The following SMOC2 variants were observed in gnomAD, a reference collection of about 807,000 sequenced individuals.
SMOC2 encodes the protein SPARC related modular calcium binding 2.
In SMOC2, 39 loss-of-function variants were observed where a neutral mutation model predicts 61.4. The observed-to-expected ratio is 0.64, with a 90% CI of 0.49 to 0.83. SMOC2 has a LOEUF of 0.83. SMOC2 is among the 40% of genes least tolerant of loss of function. SMOC2 has a pLI of 0.00. For missense variants in SMOC2, 556 were observed against 592.9 expected (o/e 0.94, Z 0.65); for synonymous variants, 247 against 239.9 (o/e 1.03, Z -0.27).
At chr6:168,483,075 A>G (rs551939025) in intron 1 of SMOC2, among the ~76,000 whole-genome samples, 1 of 152,194 alleles carries the variant, frequency 6.6e-6, no homozygotes, top group Non-Finnish European at 1.5e-5. Context: ...AAGAAAAATA[A>G]ATACAAATTG....
At chr6:168,518,111 C>A (rs1447515023) in intron 2 of SMOC2, among the ~76,000 whole-genome samples, 1 of 152,246 alleles carries the variant, frequency 6.6e-6, no homozygotes, top group Non-Finnish European at 1.5e-5. Context: ...CCTCGGAATT[C>A]CACAGCCTCG....
At chr6:168,576,839 T>A (rs894214982) in intron 7 of SMOC2, among the ~76,000 whole-genome samples, 4 of 152,006 alleles carry the variant, frequency 2.6e-5, no homozygotes, top group African/African-American at 9.7e-5. Flanking sequence ...TAAATCTAGT[T>A]TACATGCTTA....
intron 1 of SMOC2, among the ~76,000 whole-genome samples, chr6:168,477,258 G>A (rs959451643): frequency 2.6e-5 from 4 of 152,192 alleles, no homozygotes; most frequent in Admixed American, 1.3e-4. Context: ...TCAAGCCTGT[G>A]TGAGGACTGC....
intron 12 of SMOC2, chr6:168,664,645 T>A: frequency 2.2e-6 from 1 of 459,132 alleles, no homozygotes; most frequent in Non-Finnish European, 4.5e-6. Context: ...GCAAGACAAG[T>A]GTTGGGCTCC....
Position 168,588,831 on chromosome 6 carries a change from G to A in SMOC2, c.638-9987G>A, listed in dbSNP as rs1785106644. Among the ~76,000 whole-genome samples, 4 of 152,106 alleles carry A rather than the reference G, an allele frequency of 2.6e-5. No individual in the cohort carries two copies. The South Asian group carries it at 8.3e-4, about 32-fold the overall frequency. On this transcript the variant is annotated intron_variant, in intron 7 of 12. Coordinates refer to ENST00000356284, the MANE Select transcript of SMOC2 (RefSeq NM_001166412.2). ...ATACTGGTTAGGTGTGTTGGCTCAC[G>A]CCTGTAATCTCAGAACTTTGGGAGG... is the stretch of plus-strand genomic sequence containing the variant.
chr6:168,665,524 G>A (rs1310713600), intron 12 of SMOC2, among the ~76,000 whole-genome samples: 2 of 152,272 alleles, frequency 1.3e-5, no homozygotes, highest in African/African-American at 2.4e-5. Flanking sequence ...ATCACGGGAA[G>A]GTGCATGATG....
intron 1 of SMOC2, among the ~76,000 whole-genome samples, chr6:168,478,047 G>T (rs1782130159): frequency 6.6e-6 from 1 of 152,104 alleles, no homozygotes; most frequent in Non-Finnish European, 1.5e-5. Flanking sequence ...AGTCTTTGTT[G>T]TAAGGACCTA....
chr6:168,658,048 G>A (rs1243150646), intron 11 of SMOC2, among the ~76,000 whole-genome samples: 2 of 152,170 alleles, frequency 1.3e-5, no homozygotes, highest in African/African-American at 4.8e-5. Flanking sequence ...TTTGCTCTTT[G>A]AGACTTAAAA....
intron 1 of SMOC2, among the ~76,000 whole-genome samples, chr6:168,463,492 A>C (rs886135534): frequency 6.6e-6 from 1 of 152,156 alleles, no homozygotes; most frequent in East Asian, 1.9e-4. Flanking sequence ...CAAGTAATGC[A>C]TGTCGACATT....
intron 9 of SMOC2, among the ~76,000 whole-genome samples, chr6:168,622,962 A>T (rs1261203710): frequency 1.3e-5 from 2 of 152,208 alleles, no homozygotes; most frequent in Non-Finnish European, 2.9e-5. Context: ...CCGAGCAGTC[A>T]GCCTTAGTGC....
chr6:168,507,530 G>GT (rs1782901971), intron 1 of SMOC2, among the ~76,000 whole-genome samples: 1 of 152,238 alleles, frequency 6.6e-6, no homozygotes, highest in South Asian at 2.1e-4. Flanking sequence ...GTCTCAGCGG[G>GT]TGGAGGACCT....
chr6:168,648,668 C>CTCCTT (rs1787109879), intron 9 of SMOC2, among the ~76,000 whole-genome samples: 1 of 152,208 alleles, frequency 6.6e-6, no homozygotes, highest in African/African-American at 2.4e-5. Context: ...AGATTTTGAT[C>CTCCTT]TCCTTTTTCA....
At chr6:168,443,021 A>G (rs147230510) in intron 1 of SMOC2, among the ~76,000 whole-genome samples, 73 of 152,328 alleles carry the variant, frequency 4.8e-4, no homozygotes, top group Non-Finnish European at 2.1e-4. Flanking sequence ...TACACTCACA[A>G]AAAGACCCCC....
chr6:168,453,510 GTCTCTCTGTC>G lies in SMOC2; in HGVS notation c.84+12070_84+12079del, dbSNP rs1165851907. The stretch of plus-strand genomic sequence containing the variant: ...CTGCCATTCTCTCGCTCTCTTTTTT[GTCTCTCTGTC>G]TCTCTCTGTCTCTTTGTCTCTCTCT... On this transcript the variant is annotated intron_variant, in intron 1 of 12. Transcript: ENST00000356284. The surrounding 1 kb of genome is among the most constrained non-coding windows in gnomAD (Gnocchi z 4.4). Among the ~76,000 whole-genome samples the G allele has an allele frequency of 2.0e-5, 3 of 151,608 alleles. No homozygotes were observed. The highest frequency in any genetic ancestry group is 2.1e-4 in the South Asian group (1 of 4,780).
At chr6:168,632,563 A>G (rs1488427667) in intron 9 of SMOC2, among the ~76,000 whole-genome samples, 2 of 152,240 alleles carry the variant, frequency 1.3e-5, no homozygotes, top group Non-Finnish European at 2.9e-5. Flanking sequence ...ACCCAGGTGC[A>G]TGACTTTGGC....
At chr6:168,450,990 C>G (rs1352938838) in intron 1 of SMOC2, among the ~76,000 whole-genome samples, 1 of 152,160 alleles carries the variant, frequency 6.6e-6, no homozygotes, top group East Asian at 1.9e-4. Context: ...GGAAATACAG[C>G]CACCAGTTGA....
intron 4 of SMOC2, among the ~76,000 whole-genome samples, chr6:168,538,478 G>A (rs1426034867): frequency 3.8e-5 from 4 of 105,548 alleles, no homozygotes; most frequent in African/African-American, 7.8e-5. Context: ...GGGGGAGTGC[G>A]GTGACCGCTG....
intron 11 of SMOC2, among the ~76,000 whole-genome samples, chr6:168,655,921 G>T (rs1273464167): frequency 6.6e-6 from 1 of 150,956 alleles, no homozygotes. Flanking sequence ...CACATGTACT[G>T]GATCCCACTG....
intron 7 of SMOC2, among the ~76,000 whole-genome samples, chr6:168,569,895 G>A (rs912425453): frequency 2.0e-5 from 3 of 152,176 alleles, no homozygotes; most frequent in Non-Finnish European, 4.4e-5. Flanking sequence ...CATACATTGT[G>A]CCTTTGAGGT....
Sources: allele counts gnomAD v4.1 joint callset (sites outside exome capture counted in the v4.1 genomes callset), GRCh38; gene constraint gnomAD v4.1.1; non-coding constraint Gnocchi (gnomAD v3.1); transcripts MANE v1.5; gene names NCBI Gene and HGNC (gene_info 2026-07-23, HGNC 2026-07-21).